B3GALT6: variants seen among roughly 807,000 people sequenced by gnomAD.
B3GALT6 encodes beta-1,3-galactosyltransferase 6.
In B3GALT6, 27 loss-of-function variants were observed where a neutral mutation model predicts 23.3. That is an observed-to-expected ratio of 1.16 (90% CI 0.85 to 1.60). The LOEUF (loss-of-function observed/expected upper bound fraction) is 1.60, where lower values mean the gene tolerates loss of function less well. Among genes scored for constraint, B3GALT6 ranks in the 40% most tolerant of loss-of-function variants. B3GALT6 has a pLI of 0.00. For synonymous variants in B3GALT6, 313 were observed against 232.3 expected (o/e 1.35, Z -3.16); for missense variants, 554 against 471.1 (o/e 1.18, Z -1.63).
chr1:1,233,497 G>C lies in B3GALT6; in HGVS notation c.*229G>C, dbSNP rs1035052114. ...ACCTCAGCGAGCCTGAGCCGGGCCC[G>C]GCCGCACGCTGACCCCCGTGCTGTC... On this transcript the variant is annotated 3_prime_UTR_variant, in exon 1 of 1. Transcript: ENST00000379198. The C allele has an allele frequency of 2.0e-6, 1 of 492,588 alleles. No individual in the cohort carries two copies. Among genetic ancestry groups the C allele is most frequent in the African/African-American group, 2.1e-5 (1 of 48,616 alleles). The allele number at this position is 492,588 out of a possible 1,614,324, so 30.5% of individuals were successfully genotyped here.
chr1:1,232,796 G>GGACGCGCTGCTGGC lies in B3GALT6; in HGVS notation c.518_519insGACGCGCTGCTGGC (p.Glu174ThrfsTer109). The GGACGCGCTGCTGGC allele has an allele frequency of 7.4e-7, 1 of 1,345,190 alleles. No homozygotes were observed. Among genetic ancestry groups the GGACGCGCTGCTGGC allele is most frequent in the Non-Finnish European group, 9.5e-7 (1 of 1,054,346 alleles). 83.3% of individuals were successfully genotyped at this position (1,345,190 alleles called of 1,614,324 possible). The stretch of plus-strand genomic sequence containing the variant: ...GCGCTGCTGGCCGAGCTGCGCGCCC[G>GGACGCGCTGCTGGC]CGAGCCCGCGCGCCGCCGCCGCCTC... On this transcript the variant is annotated frameshift_variant, in exon 1 of 1. Transcript: ENST00000379198. LOFTEE classifies it high-confidence loss of function.
In B3GALT6 at chr1:1,233,066, A is replaced by G; in HGVS notation, c.788A>G (p.Asp263Gly). ...DVQREHDPRF[D>G]TEYRSRGCSN... ...CAGCGGGAGCACGACCCGCGCTTCGACACCGAATACCGGTCCCGCGGCTGC... is the reference window on the plus strand; with the variant it reads ...CAGCGGGAGCACGACCCGCGCTTCGGCACCGAATACCGGTCCCGCGGCTGC... Residue 263 changes from aspartate to glycine, a missense_variant, in exon 1 of 1, where the codon GAC becomes GGC. By Grantham distance (94) the Asp-to-Gly change is moderately conservative. Transcript: ENST00000379198. 1 of 1,551,100 alleles carries G rather than the reference A, an allele frequency of 6.4e-7. No individual in the cohort carries two copies.
Position 1,233,528 on chromosome 1 carries a change from C to T in B3GALT6, c.*260C>T. The T allele has an allele frequency of 2.5e-6, 1 of 395,486 alleles. No homozygotes were observed. The allele number at this position is 395,486 out of a possible 1,614,324, so 24.5% of individuals were successfully genotyped here. Reference sequence around the variant, plus strand: ...ACGCTGACCCCCGTGCTGTCCCCGACCGGCTCACGGGGCTGGGCTCCGATC... The same window carrying T: ...ACGCTGACCCCCGTGCTGTCCCCGATCGGCTCACGGGGCTGGGCTCCGATC... On this transcript the variant is annotated 3_prime_UTR_variant, in exon 1 of 1. Coordinates refer to ENST00000379198, the MANE Select transcript of B3GALT6 (RefSeq NM_080605.4).
chr1:1,232,422 TC>T lies in B3GALT6; in HGVS notation c.150del (p.Ala51ArgfsTer25). The T allele has an allele frequency of 4.0e-6, 4 of 991,120 alleles. No homozygotes were observed. Among genetic ancestry groups the T allele is most frequent in the Admixed American group, 1.2e-4 (2 of 16,122 alleles). 61.4% of individuals were successfully genotyped at this position (991,120 alleles called of 1,614,324 possible). A position where few individuals can be genotyped will look rare whatever the true frequency, so the allele number is the denominator to read the frequency against. ...GGGCGATGTCGGGCCGCAGCCCGCC[TC>T]CCCCCGCGCCCGCGCGCGCCGCCGC... Reference protein sequence around the residue: ...PRAMSGRSPPPPAPARAAAFL... With the variant: ...PRAMSGRSPPXPAPARAAAFL... On this transcript the variant is annotated frameshift_variant, in exon 1 of 1. Transcript: ENST00000379198. LOFTEE classifies it high-confidence loss of function.
Position 1,232,801 on chromosome 1 carries a change from C to G in B3GALT6, c.523C>G (p.Pro175Ala). ...GCTGGCCGAGCTGCGCGCCCGCGAG[C>G]CCGCGCGCCGCCGCCGCCTCTACTG... is the stretch of plus-strand genomic sequence containing the variant. Reference protein sequence around the residue: ...ALLAELRAREPARRRRLYWGF... With the variant: ...ALLAELRAREAARRRRLYWGF... The change falls in exon 1 of 1, where the codon CCC becomes GCC. Residue 175 changes from proline (P) to alanine (A), a missense_variant. Coordinates refer to ENST00000379198, the MANE Select transcript of B3GALT6 (RefSeq NM_080605.4). 7.4e-7 allele frequency: 1 copy of G among 1,350,400 alleles called. No homozygotes were observed. The highest frequency in any genetic ancestry group is 1.8e-5 in the South Asian group (1 of 55,078). 83.7% of individuals were successfully genotyped at this position (1,350,400 alleles called of 1,614,324 possible).
Position 1,233,082 on chromosome 1 carries a change from C to T in B3GALT6, c.804C>T (p.Ser268=). 6.4e-7 allele frequency: 1 copy of T among 1,557,558 alleles called. No homozygotes were observed. The highest frequency in any genetic ancestry group is 8.7e-7 in the Non-Finnish European group (1 of 1,155,964). Residue 268 remains serine, a synonymous_variant, in exon 1 of 1, where the codon TCC becomes TCT. Coordinates refer to ENST00000379198, the MANE Select transcript of B3GALT6 (RefSeq NM_080605.4). The stretch of plus-strand genomic sequence containing the variant: ...CGCGCTTCGACACCGAATACCGGTC[C>T]CGCGGCTGCAGCAACCAGTACCTGG... ...HDPRFDTEYR[S]RGCSNQYLVT...
chr1:1,232,763 G>T lies in B3GALT6; in HGVS notation c.485G>T (p.Arg162Leu). 4.3e-6 allele frequency: 6 copies of T among 1,403,368 alleles called. No homozygotes were observed. The highest frequency in any genetic ancestry group is 5.6e-6 in the Non-Finnish European group (6 of 1,079,716). 86.9% of individuals were successfully genotyped at this position (1,403,368 alleles called of 1,614,324 possible). The stretch of plus-strand genomic sequence containing the variant: ...AAGGCGGACGACGACTCCTTCGCGC[G>T]GCTGGACGCGCTGCTGGCCGAGCTG... ...VLKADDDSFARLDALLAELRA... is the reference protein window; with the variant it reads ...VLKADDDSFALLDALLAELRA... The change falls in exon 1 of 1, where the codon CGG (arginine) becomes CTG (leucine). Residue 162 changes from arginine to leucine, a missense_variant. Transcript: ENST00000379198.
Position 1,233,547 on chromosome 1 carries a change from T to C in B3GALT6, c.*279T>C. 1 of 364,910 alleles carries C rather than the reference T, an allele frequency of 2.7e-6. No individual in the cohort carries two copies. The allele number at this position is 364,910 out of a possible 1,614,324, so 22.6% of individuals were successfully genotyped here. ...CCCCGACCGGCTCACGGGGCTGGGCTCCGATCTTCCGTGTCTCTTATCAGT... is the reference window on the plus strand; with the variant it reads ...CCCCGACCGGCTCACGGGGCTGGGCCCCGATCTTCCGTGTCTCTTATCAGT... On this transcript the variant is annotated 3_prime_UTR_variant, in exon 1 of 1. Coordinates refer to ENST00000379198, the MANE Select transcript of B3GALT6 (RefSeq NM_080605.4).
In B3GALT6 at chr1:1,234,257, T is replaced by A. The variant is rs79425787; in HGVS notation, c.*989T>A. On this transcript the variant is annotated 3_prime_UTR_variant, in exon 1 of 1. Coordinates refer to ENST00000379198, the MANE Select transcript of B3GALT6 (RefSeq NM_080605.4). ...CGCTGTGGTCTTTGTTGTCCCACTTTGGGACCGGGTCCAGTCTGGGGTCTA... is the reference window on the plus strand; with the variant it reads ...CGCTGTGGTCTTTGTTGTCCCACTTAGGGACCGGGTCCAGTCTGGGGTCTA... 1 of 166,862 alleles carries A rather than the reference T, an allele frequency of 6.0e-6. No homozygotes were observed. The highest frequency in any genetic ancestry group is 1.5e-5 in the Non-Finnish European group (1 of 68,158). The allele number at this position is 166,862 out of a possible 1,614,324, so 10.3% of individuals were successfully genotyped here.
At position 1,233,030 on chromosome 1, in the gene B3GALT6, C is replaced by T; in HGVS notation, c.752C>T (p.Pro251Leu). Residue 251 changes from proline to leucine, a missense_variant, in exon 1 of 1, where the codon CCG becomes CTG. Pro to Leu is a moderately conservative substitution (Grantham distance 98). Coordinates refer to ENST00000379198, the MANE Select transcript of B3GALT6 (RefSeq NM_080605.4). ...GTGTCTCTGGGCGCCTGGCTGGCGC[C>T]GGTGGACGTCCAGCGGGAGCACGAC... ...EDVSLGAWLAPVDVQREHDPR... is the reference protein window; with the variant it reads ...EDVSLGAWLALVDVQREHDPR... The T allele has an allele frequency of 6.4e-7, 1 of 1,551,950 alleles. No homozygotes were observed.
At position 1,233,667 on chromosome 1, in the gene B3GALT6, T is replaced by C. The variant is rs141407197; in HGVS notation, c.*399T>C. 32 of 201,492 alleles carry C rather than the reference T, an allele frequency of 1.6e-4. No homozygotes were observed. In the East Asian group the frequency reaches 4.1e-3, roughly 26 times the overall value. The allele number at this position is 201,492 out of a possible 1,614,324, so 12.5% of individuals were successfully genotyped here. ...CTCTGTCCAGTGACTTCGTGGTAAA[T>C]GTAACTCAGTGTTTGCTTGCGACTT... is the stretch of plus-strand genomic sequence containing the variant. On this transcript the variant is annotated 3_prime_UTR_variant, in exon 1 of 1. Coordinates refer to ENST00000379198, the MANE Select transcript of B3GALT6 (RefSeq NM_080605.4).
Position 1,232,668 on chromosome 1 carries a change from A to T in B3GALT6, c.390A>T (p.Glu130Asp). 7.5e-7 allele frequency: 1 copy of T among 1,338,126 alleles called. No homozygotes were observed. The highest frequency in any genetic ancestry group is 1.5e-5 in the African/African-American group (1 of 65,728). 82.9% of individuals were successfully genotyped at this position (1,338,126 alleles called of 1,614,324 possible). The change falls in exon 1 of 1, where the codon GAA (glutamate) becomes GAT (aspartate). Residue 130 changes from glutamate to aspartate, a missense_variant. Coordinates refer to ENST00000379198, the MANE Select transcript of B3GALT6 (RefSeq NM_080605.4). ...TGCCCGCGCTGCGCGACGCCTACGA[A>T]AACCTCACGGCCAAGGTGCTGGCCA... ...LLLPALRDAY[E>D]NLTAKVLAML...
Position 1,232,262 on chromosome 1 carries a change from G to C in B3GALT6, c.-17G>C. 3 of 980,612 alleles carry C rather than the reference G, an allele frequency of 3.1e-6. No homozygotes were observed. The highest frequency in any genetic ancestry group is 3.6e-6 in the Non-Finnish European group (3 of 828,248). 60.7% of individuals were successfully genotyped at this position (980,612 alleles called of 1,614,324 possible). On this transcript the variant is annotated 5_prime_UTR_variant, in exon 1 of 1. Coordinates refer to ENST00000379198, the MANE Select transcript of B3GALT6 (RefSeq NM_080605.4). ...ACTCGCGAGTCCGGCCTGGGCCGCCGGCCCGGCGCGGGCGCCATGAAGCTG... is the reference window on the plus strand; with the variant it reads ...ACTCGCGAGTCCGGCCTGGGCCGCCCGCCCGGCGCGGGCGCCATGAAGCTG...
At position 1,234,484 on chromosome 1, in the gene B3GALT6, TAGGGGTGGGACTGGA is replaced by T; in HGVS notation, c.*1217_*1231del. On this transcript the variant is annotated 3_prime_UTR_variant, in exon 1 of 1. Coordinates refer to ENST00000379198, the MANE Select transcript of B3GALT6 (RefSeq NM_080605.4). The stretch of plus-strand genomic sequence containing the variant: ...CGGTGATTCTCCCACCTCCAAAAGG[TAGGGGTGGGACTGGA>T]GGCGTCCCTAGGTCAGGCCGTTGAG... 1 of 166,976 alleles carries T rather than the reference TAGGGGTGGGACTGGA, an allele frequency of 6.0e-6. No individual in the cohort carries two copies. The highest frequency in any genetic ancestry group is 2.4e-5 in the African/African-American group (1 of 41,540). 10.3% of individuals were successfully genotyped at this position (166,976 alleles called of 1,614,324 possible).
In B3GALT6 at chr1:1,232,305, G is replaced by A; in HGVS notation, c.27G>A (p.Arg9=). The change falls in exon 1 of 1, where the codon CGG becomes CGA. Residue 9 remains arginine, a synonymous_variant. Coordinates refer to ENST00000379198, the MANE Select transcript of B3GALT6 (RefSeq NM_080605.4). The part of the protein sequence containing the change: MKLLRRAW[R]RRAALGLGTL... ...TGAAGCTGCTGCGGCGGGCGTGGCG[G>A]CGGCGGGCGGCGCTAGGCCTGGGCA... The A allele has an allele frequency of 1.0e-6, 1 of 982,650 alleles. No homozygotes were observed. Among genetic ancestry groups the A allele is most frequent in the Non-Finnish European group, 1.2e-6 (1 of 829,486 alleles). The allele number at this position is 982,650 out of a possible 1,614,324, so 60.9% of individuals were successfully genotyped here.
Position 1,232,433 on chromosome 1 carries a change from C to G in B3GALT6, c.155C>G (p.Pro52Arg), listed in dbSNP as rs1638536763. ...GGCCGCAGCCCGCCTCCCCCCGCGC[C>G]CGCGCGCGCCGCCGCCTTCCTGGCA... ...MSGRSPPPPA[P>R]ARAAAFLAVL... The change falls in exon 1 of 1, where the codon CCC becomes CGC. Residue 52 changes from proline to arginine, a missense_variant. Pro to Arg is a moderately radical substitution (Grantham distance 103). Coordinates refer to ENST00000379198, the MANE Select transcript of B3GALT6 (RefSeq NM_080605.4). The G allele has an allele frequency of 2.0e-6, 2 of 993,562 alleles. No individual in the cohort carries two copies. The allele number at this position is 993,562 out of a possible 1,614,324, so 61.5% of individuals were successfully genotyped here.
At position 1,233,011 on chromosome 1, in the gene B3GALT6, C is replaced by G; in HGVS notation, c.733C>G (p.Leu245Val). ...CGCCTGGCACAGCGAGGACGTGTCTCTGGGCGCCTGGCTGGCGCCGGTGGA... is the reference window on the plus strand; with the variant it reads ...CGCCTGGCACAGCGAGGACGTGTCTGTGGGCGCCTGGCTGGCGCCGGTGGA... ...LRAWHSEDVS[L>V]GAWLAPVDVQ... is the part of the protein sequence containing the mutation. Residue 245 changes from leucine to valine, a missense_variant, in exon 1 of 1, where the codon CTG becomes GTG. Physicochemically the swap from Leu to Val is conservative, Grantham distance 32. Transcript: ENST00000379198. 1 of 1,556,786 alleles carries G rather than the reference C, an allele frequency of 6.4e-7. No individual in the cohort carries two copies. Among genetic ancestry groups the G allele is most frequent in the Non-Finnish European group, 8.6e-7 (1 of 1,157,386 alleles).
rs1638581589 is a variant in B3GALT6, at chr1:1,233,363, C to A, written c.*95C>A. 1 of 1,340,602 alleles carries A rather than the reference C, an allele frequency of 7.5e-7. No homozygotes were observed. Among genetic ancestry groups the A allele is most frequent in the Non-Finnish European group, 9.6e-7 (1 of 1,041,138 alleles). 83.0% of individuals were successfully genotyped at this position (1,340,602 alleles called of 1,614,324 possible). Reference sequence around the variant, plus strand: ...CGCACTACGCCCGGGCCCCAAGGCCCCCGTCCCGCAGCCACGCTTGTGGTC... The same window carrying A: ...CGCACTACGCCCGGGCCCCAAGGCCACCGTCCCGCAGCCACGCTTGTGGTC... On this transcript the variant is annotated 3_prime_UTR_variant, in exon 1 of 1. Coordinates refer to ENST00000379198, the MANE Select transcript of B3GALT6 (RefSeq NM_080605.4).
rs1638584019 is a variant in B3GALT6 at position 1,233,456 on chromosome 1, A to C, written c.*188A>C. 1.3e-6 allele frequency: 1 copy of C among 748,546 alleles called. No individual in the cohort carries two copies. The allele number at this position is 748,546 out of a possible 1,614,324, so 46.4% of individuals were successfully genotyped here. A position where few individuals can be genotyped will look rare whatever the true frequency, so the allele number is the denominator to read the frequency against. On this transcript the variant is annotated 3_prime_UTR_variant, in exon 1 of 1. Coordinates refer to ENST00000379198, the MANE Select transcript of B3GALT6 (RefSeq NM_080605.4). ...GGGGCAGCGCGCCGTGTCCAGGTGG[A>C]GGTGCCCGTTCCTGGACCTCAGCGA...
Sources: gnomAD v4.1 joint callset for allele counts on GRCh38, gnomAD v4.1.1 for gene constraint, MANE v1.5 for transcripts, NCBI Gene and HGNC (gene_info 2026-07-23, HGNC 2026-07-21) for gene names.